Variants in RABL3 observed in about 807,000 individuals in gnomAD.
RABL3 encodes the protein RAB, member of RAS oncogene family like 3.
A neutral mutation model predicts 31.8 loss-of-function variants in RABL3; 31 were observed. The observed-to-expected ratio is 0.97, with a 90% CI of 0.73 to 1.31. The LOEUF is 1.31. RABL3 is among the 40% of genes most tolerant of loss of function. RABL3 has a pLI of 0.00. For missense variants in RABL3, 263 were observed against 279.6 expected, an observed-to-expected ratio of 0.94 and a Z score of 0.42; for synonymous variants, 97 against 99.9, an observed-to-expected ratio of 0.97 and a Z score of 0.18.
At position 120,686,201 on chromosome 3, in the gene RABL3, C is replaced by G. The variant is rs553218361; in HGVS notation, c.*3622G>C. On this transcript the variant is annotated 3_prime_UTR_variant, in exon 8 of 8. Transcript: ENST00000273375. Reference sequence around the variant, plus strand: ...ATGAATTTCTAATTTCCTTCTCCTCCTTTCCCCAAAACAGACTCCTCCTTT... The same window carrying G: ...ATGAATTTCTAATTTCCTTCTCCTCGTTTCCCCAAAACAGACTCCTCCTTT... 6.6e-6 allele frequency among the ~76,000 whole-genome samples: 1 copy of G among 152,304 alleles called. No homozygotes were observed. The highest frequency in any genetic ancestry group is 2.1e-4 in the South Asian group (1 of 4,820).
chr3:120,733,671 G>C (rs1233262366), intron 1 of RABL3, among the ~76,000 whole-genome samples: 1 of 152,142 alleles, frequency 6.6e-6, no homozygotes, highest in Non-Finnish European at 1.5e-5. Context: ...TTTTCTTCTA[G>C]GGTTTTTATG....
chr3:120,692,745 T>C (rs923726927), intron 6 of RABL3, among the ~76,000 whole-genome samples: 1 of 152,226 alleles, frequency 6.6e-6, no homozygotes, highest in Non-Finnish European at 1.5e-5. Flanking sequence ...AAGCCTTGCC[T>C]GACAACTCGG....
intron 4 of RABL3, among the ~76,000 whole-genome samples, chr3:120,701,922 T>C (rs1708496687): frequency 6.6e-6 from 1 of 152,112 alleles, no homozygotes; most frequent in African/African-American, 2.4e-5. Context: ...TCTGAAAAAT[T>C]AATAGTGAGC....
rs61372023 is a variant in RABL3 at position 120,713,808 on chromosome 3, C to CTTT, written c.139-3902_139-3900dup. Among the ~76,000 whole-genome samples the CTTT allele has an allele frequency of 4.2e-3, 506 of 121,684 alleles. 14 individuals carry two copies. The highest frequency in any genetic ancestry group is 0.014 in the African/African-American group (452 of 33,118). The allele number at this position is 121,684 out of a possible 152,430, so 79.8% of individuals were successfully genotyped here. A position where few individuals can be genotyped will look rare whatever the true frequency, so the allele number is the denominator to read the frequency against. On this transcript the variant is annotated intron_variant, in intron 2 of 7. Transcript: ENST00000273375. ...TGAAGAGTTCATTCATTGTCTGTAACTTTTTTTTTTTTTTTTTTTTGAGAT... is the reference window on the plus strand; with the variant it reads ...TGAAGAGTTCATTCATTGTCTGTAACTTTTTTTTTTTTTTTTTTTTTTTGAGAT...
At position 120,688,566 on chromosome 3, in the gene RABL3, T is replaced by G. The variant is rs1165906022; in HGVS notation, c.*1257A>C. 1 of 152,236 alleles carries G rather than the reference T, an allele frequency of 6.6e-6. No individual in the cohort carries two copies. Among genetic ancestry groups the G allele is most frequent in the Non-Finnish European group, 1.5e-5 (1 of 68,038 alleles). 9.4% of individuals were successfully genotyped at this position (152,236 alleles called of 1,614,324 possible). ...GAAAGTGAATTTGGTGTTTTCCACCTATTTTTTAAATGAGAAATGAAAACT... is the reference window on the plus strand; with the variant it reads ...GAAAGTGAATTTGGTGTTTTCCACCGATTTTTTAAATGAGAAATGAAAACT... On this transcript the variant is annotated 3_prime_UTR_variant, in exon 8 of 8. Coordinates refer to ENST00000273375, the MANE Select transcript of RABL3 (RefSeq NM_173825.5).
intron 1 of RABL3, among the ~76,000 whole-genome samples, chr3:120,738,860 C>A (rs1008021555): frequency 6.6e-6 from 1 of 152,136 alleles, no homozygotes; most frequent in Non-Finnish European, 1.5e-5. Flanking sequence ...AAGGTTATTT[C>A]TGTTTAAACC....
intron 1 of RABL3, among the ~76,000 whole-genome samples, chr3:120,736,555 G>T (rs562645179): frequency 4.6e-5 from 7 of 152,314 alleles, no homozygotes; most frequent in African/African-American, 1.7e-4. Flanking sequence ...ATTGTTATGT[G>T]TGAATTTGAT....
intron 2 of RABL3, among the ~76,000 whole-genome samples, chr3:120,723,413 A>G (rs1708773716): frequency 6.6e-6 from 1 of 152,206 alleles, no homozygotes; most frequent in Admixed American, 6.5e-5. Flanking sequence ...ATTCCAATCA[A>G]TAGAAAAAGG....
rs894927767 is a variant in RABL3, at chr3:120,686,097, T to A, written c.*3726A>T. Among the ~76,000 whole-genome samples the A allele has an allele frequency of 2.0e-5, 3 of 152,214 alleles. No individual in the cohort carries two copies. Among genetic ancestry groups the A allele is most frequent in the Non-Finnish European group, 4.4e-5 (3 of 68,038 alleles). The stretch of plus-strand genomic sequence containing the variant: ...TGTAGGCAAACATGTTGTGAAATAT[T>A]TGAGACACAGGGTTAGACTTCCTGC... On this transcript the variant is annotated 3_prime_UTR_variant, in exon 8 of 8. Transcript: ENST00000273375.
intron 2 of RABL3, among the ~76,000 whole-genome samples, chr3:120,715,447 A>G (rs1188122692): frequency 1.3e-5 from 2 of 152,202 alleles, no homozygotes; most frequent in Non-Finnish European, 2.9e-5. Flanking sequence ...CTGAGGCACA[A>G]GAATTCTTGA....
At chr3:120,736,100 G>C (rs1455645380) in intron 1 of RABL3, among the ~76,000 whole-genome samples, 2 of 152,298 alleles carry the variant, frequency 1.3e-5, no homozygotes, top group East Asian at 3.9e-4. Context: ...GGATATGCTT[G>C]TTAACTTTCT....
At chr3:120,693,552 A>G (rs979315861) in intron 6 of RABL3, among the ~76,000 whole-genome samples, 1 of 152,202 alleles carries the variant, frequency 6.6e-6, no homozygotes, top group Non-Finnish European at 1.5e-5. Context: ...TATGTGCAAT[A>G]AAGTTGTATG....
intron 2 of RABL3, among the ~76,000 whole-genome samples, chr3:120,727,708 CA>C (rs56367018): frequency 0.17 from 25,570 of 151,964 alleles, 2,974 homozygotes; most frequent in Non-Finnish European, 0.25. Flanking sequence ...AAAATATTAG[CA>C]AATTAAATCT....
intron 1 of RABL3, among the ~76,000 whole-genome samples, chr3:120,731,509 A>G (rs746847067): frequency 3.3e-5 from 5 of 152,116 alleles, no homozygotes; most frequent in Non-Finnish European, 7.4e-5. Flanking sequence ...AAATCTAGTT[A>G]TTCATTCTAA....
At chr3:120,708,672 G>C (rs946561838) in intron 3 of RABL3, among the ~76,000 whole-genome samples, 1 of 151,830 alleles carries the variant, frequency 6.6e-6, no homozygotes, top group Non-Finnish European at 1.5e-5. Context: ...TTATTTATAT[G>C]CATTCTATTC....
rs988397915 is a variant in RABL3 at position 120,689,005 on chromosome 3, TAGAG to T, written c.*814_*817del. 12 of 152,068 alleles carry T rather than the reference TAGAG, an allele frequency of 7.9e-5. No individual in the cohort carries two copies. The highest frequency in any genetic ancestry group is 1.6e-4 in the Non-Finnish European group (11 of 68,000). The allele number at this position is 152,068 out of a possible 1,614,324, so 9.4% of individuals were successfully genotyped here. Reference sequence around the variant, plus strand: ...GTTGACTTTTCCTTAAAAAAACAAATAGAGAGGAGGCTGTAAATGTCTCTCACTG... The same window carrying T: ...GTTGACTTTTCCTTAAAAAAACAAATAGGAGGCTGTAAATGTCTCTCACTG... On this transcript the variant is annotated 3_prime_UTR_variant, in exon 8 of 8. Transcript: ENST00000273375.
At chr3:120,739,565 TTATC>T (rs1709016622) in intron 1 of RABL3, among the ~76,000 whole-genome samples, 1 of 152,176 alleles carries the variant, frequency 6.6e-6, no homozygotes, top group South Asian at 2.1e-4. Flanking sequence ...TATGAGCTCT[TTATC>T]TATTAAATAT....
At chr3:120,742,368 G>T in intron 1 of RABL3, 94 bp downstream of exon 1, 2 of 1,199,034 alleles carry the variant, frequency 1.7e-6, no homozygotes, top group Non-Finnish European at 1.2e-6. Context: ...GCCACGGGCC[G>T]AGGAGCCAGG....
intron 1 of RABL3, 126 bp downstream of exon 1, chr3:120,742,336 T>C (rs1390658580): frequency 1.1e-6 from 1 of 879,124 alleles, no homozygotes; most frequent in Admixed American, 2.0e-5. Flanking sequence ...AGTGTAGTCT[T>C]CAGGCCCTGG....
Sources: allele counts gnomAD v4.1 joint callset (sites outside exome capture counted in the v4.1 genomes callset), GRCh38; gene constraint gnomAD v4.1.1; transcripts MANE v1.5; gene names NCBI Gene and HGNC (gene_info 2026-07-23, HGNC 2026-07-21).